Variants in ARHGEF18 observed in about 807,000 individuals in gnomAD.
ARHGEF18 encodes rho guanine nucleotide exchange factor 18.
Under a neutral mutation model 155.7 loss-of-function variants are expected in ARHGEF18, and 93 were observed. The observed-to-expected ratio is 0.60, with a 90% CI of 0.50 to 0.71. The LOEUF (loss-of-function observed/expected upper bound fraction) is 0.71, where lower values mean the gene tolerates loss of function less well. Among genes scored for constraint, ARHGEF18 ranks in the 30% least tolerant of loss-of-function variants. The probability of loss-of-function intolerance (pLI) is 0.00; values close to 1 mark genes in which losing one functional copy is unlikely to be tolerated. For missense variants in ARHGEF18, 1,593 were observed against 1,816.1 expected (o/e 0.88, Z 2.23); for synonymous variants, 742 against 753.1 (o/e 0.99, Z 0.24).
chr19:7,451,285 G>A lies in ARHGEF18; in HGVS notation c.1855+19G>A, dbSNP rs367978635. 95 of 1,606,840 alleles carry A rather than the reference G, an allele frequency of 5.9e-5. No individual in the cohort carries two copies. Among genetic ancestry groups the A allele is most frequent in the Non-Finnish European group, 4.5e-5 (53 of 1,174,896 alleles). On this transcript the variant is annotated intron_variant, in intron 16 of 28. Transcript: ENST00000668164. ...ACGGAAGGTAGGCCTTCTCCCCACT[G>A]CCCCGCCCGCCCGTGCTGCTGCAGC...
intron 1 of ARHGEF18, among the ~76,000 whole-genome samples, chr19:7,356,138 A>G (rs1969293839): frequency 2.0e-5 from 3 of 151,700 alleles, no homozygotes; most frequent in African/African-American, 7.3e-5. Context: ...ATACACACAC[A>G]CATCGGCTGG....
chr19:7,398,364 C>T (rs1417791641), intron 10 of ARHGEF18, among the ~76,000 whole-genome samples: 2 of 152,080 alleles, frequency 1.3e-5, no homozygotes, highest in South Asian at 2.1e-4. Context: ...AGCCACCACG[C>T]CCGGTCATAT....
At position 7,427,693 on chromosome 19, in the gene ARHGEF18, C is replaced by T. The variant is rs151029519; in HGVS notation, c.968-12651C>T. ...GGGCGCAGTGGCTCACACCTGTAAC[C>T]CCAGCACTTTGGGAGGCTGAGGCAG... On this transcript the variant is annotated intron_variant, in intron 10 of 28. Transcript: ENST00000668164. Among the ~76,000 whole-genome samples, 1,498 of 151,574 alleles carry T rather than the reference C, an allele frequency of 9.9e-3. 28 individuals carry two copies. The highest frequency in any genetic ancestry group is 0.033 in the African/African-American group (1,383 of 41,324).
chr19:7,408,423 A>G (rs2145605261), intron 10 of ARHGEF18, among the ~76,000 whole-genome samples: 1 of 152,030 alleles, frequency 6.6e-6, no homozygotes, highest in South Asian at 2.1e-4. Flanking sequence ...TATTTACAAA[A>G]ACAGGTGGCC....
chr19:7,350,766 G>GT (rs1969135889), intron 1 of ARHGEF18, among the ~76,000 whole-genome samples: 507 of 6,426 alleles, frequency 0.079, 13 homozygotes, highest in Middle Eastern at 0.17. Context: ...TTTTTGGGGT[G>GT]GGTGTGTGTG....
At chr19:7,424,429 T>C (rs1241475508) in intron 10 of ARHGEF18, among the ~76,000 whole-genome samples, 2 of 152,180 alleles carry the variant, frequency 1.3e-5, no homozygotes, top group East Asian at 3.8e-4. Flanking sequence ...AGAAAGGATT[T>C]GTAACCTTTG....
intron 10 of ARHGEF18, among the ~76,000 whole-genome samples, chr19:7,437,879 G>A (rs898552806): frequency 6.6e-6 from 1 of 151,866 alleles, no homozygotes; most frequent in Admixed American, 6.6e-5. Context: ...CTGACCTCAG[G>A]TGATCCACCC....
intron 15 of ARHGEF18, among the ~76,000 whole-genome samples, chr19:7,448,365 A>G (rs1202547188): frequency 6.6e-6 from 1 of 152,186 alleles, no homozygotes; most frequent in East Asian, 1.9e-4. Context: ...AAATACAAAA[A>G]ATTAGCCAGG....
rs775758839 is a variant in ARHGEF18 at position 7,453,449 on chromosome 19, C to T, written c.1856-18C>T. 23 of 1,575,278 alleles carry T rather than the reference C, an allele frequency of 1.5e-5. No homozygotes were observed. Among genetic ancestry groups the T allele is most frequent in the Non-Finnish European group, 2.0e-5 (23 of 1,157,838 alleles). ...TTAAAGTGGAAAAGAAAGACGCTAA[C>T]TCTGCTATGTGTGGCAGCTGGCACT... On this transcript the variant is annotated intron_variant, in intron 16 of 28. Transcript: ENST00000668164.
intron 4 of ARHGEF18, among the ~76,000 whole-genome samples, 170 bp downstream of exon 4, chr19:7,376,040 A>G (rs991844488): frequency 2.0e-5 from 3 of 152,042 alleles, no homozygotes; most frequent in African/African-American, 4.8e-5. Flanking sequence ...TCTGGGTCCT[A>G]GGATTCCAGC....
intron 2 of ARHGEF18, among the ~76,000 whole-genome samples, chr19:7,367,104 C>T (rs35850078): frequency 0.051 from 7,764 of 152,236 alleles, 281 homozygotes; most frequent in Non-Finnish European, 0.077. Flanking sequence ...TTATTCTATC[C>T]GCCAAGGTTT....
Position 7,440,974 on chromosome 19 carries a change from G to A in ARHGEF18, c.1106+492G>A, listed in dbSNP as rs11666881. Among the ~76,000 whole-genome samples, 47,821 of 151,792 alleles carry A rather than the reference G, an allele frequency of 0.32. 7,938 individuals are homozygous for A. Among genetic ancestry groups the A allele is most frequent in the Middle Eastern group, 0.48 (141 of 292 alleles). On this transcript the variant is annotated intron_variant, in intron 11 of 28. Coordinates refer to ENST00000668164, the MANE Select transcript of ARHGEF18 (RefSeq NM_001367823.1). This position sits in a 1 kb window ranked among gnomAD's most constrained non-coding sequence, Gnocchi z 5.4. ...TAAATTATCATTTTCCTCTGAGTAA[G>A]GACTGCCCTCCCACCTTGACCATGA... is the stretch of plus-strand genomic sequence containing the variant.
chr19:7,392,775 C>T (rs1971477201), intron 10 of ARHGEF18: 2 of 150,706 alleles, frequency 1.3e-5, no homozygotes, highest in African/African-American at 2.4e-5. Flanking sequence ...GTTCAAAGGC[C>T]GGGCATGATG....
At chr19:7,397,503 G>C (rs1040107242) in intron 10 of ARHGEF18, among the ~76,000 whole-genome samples, 13 of 152,126 alleles carry the variant, frequency 8.5e-5, no homozygotes, top group East Asian at 3.9e-4. Context: ...AGGCCCGGGG[G>C]GGGGCAGATC....
At chr19:7,362,024 AGAAGG>A (rs1969589056) in intron 1 of ARHGEF18, among the ~76,000 whole-genome samples, 370 of 11,768 alleles carry the variant, frequency 0.031, 4 homozygotes, top group Non-Finnish European at 0.042. Flanking sequence ...AAGGAGAAGG[AGAAGG>A]AGAAGGAGAA....
intron 15 of ARHGEF18, among the ~76,000 whole-genome samples, chr19:7,447,502 C>A (rs1251130230): frequency 2.0e-5 from 3 of 148,552 alleles, no homozygotes; most frequent in Non-Finnish European, 4.5e-5. Context: ...TCAAAAAAAA[C>A]AAAAACAAAA....
Position 7,470,087 on chromosome 19 carries a change from C to T in ARHGEF18, c.3914-39C>T, listed in dbSNP as rs781355676. On this transcript the variant is annotated intron_variant, in intron 28 of 28. Coordinates refer to ENST00000668164, the MANE Select transcript of ARHGEF18 (RefSeq NM_001367823.1). This position sits in a 1 kb window ranked among gnomAD's most constrained non-coding sequence, Gnocchi z 5.9. Reference sequence around the variant, plus strand: ...CCAGGGCAGCGGGGCTGCGGCACCACCCGGCGACTGCTCAGTCTGAACCCT... The same window carrying T: ...CCAGGGCAGCGGGGCTGCGGCACCATCCGGCGACTGCTCAGTCTGAACCCT... 1.6e-5 allele frequency: 26 copies of T among 1,611,614 alleles called. 2 individuals carry two copies. The South Asian group carries it at 2.9e-4, about 18-fold the overall frequency.
chr19:7,350,767 GGTGTGT>G (rs71177199), intron 1 of ARHGEF18, among the ~76,000 whole-genome samples: 1,224 of 19,422 alleles, frequency 0.063, 13 homozygotes, highest in African/African-American at 0.11. Flanking sequence ...TTTTGGGGTG[GGTGTGT>G]GTGTGTGTGT....
intron 3 of ARHGEF18, among the ~76,000 whole-genome samples, chr19:7,375,354 AAAGG>A (rs560169946): frequency 0.026 from 3,745 of 142,338 alleles, 145 homozygotes; most frequent in African/African-American, 0.077. Flanking sequence ...AAAAGAAAGA[AAAGG>A]AAGGAAGGAA....
Sources: gnomAD v4.1 joint callset for allele counts (sites outside exome capture counted in the v4.1 genomes callset) on GRCh38, gnomAD v4.1.1 for gene constraint, Gnocchi (gnomAD v3.1) non-coding constraint, MANE v1.5 for transcripts, NCBI Gene and HGNC (gene_info 2026-07-23, HGNC 2026-07-21) for gene names.